COX11: variants seen among roughly 807,000 people sequenced by gnomAD.
COX11 encodes cytochrome c oxidase assembly protein COX11, mitochondrial.
A neutral mutation model predicts 29.4 loss-of-function variants in COX11; 18 were observed. That is an observed-to-expected ratio of 0.61 (90% CI 0.42 to 0.91). COX11 has a LOEUF of 0.91. COX11 is among the 40% of genes least tolerant of loss of function. The pLI, the probability that COX11 is intolerant of heterozygous loss-of-function variation, is 0.00. For missense variants in COX11, 312 were observed against 346.0 expected, an observed-to-expected ratio of 0.90 and a Z score of 0.78; for synonymous variants, 131 against 124.0, an observed-to-expected ratio of 1.06 and a Z score of -0.38.
Position 54,962,374 on chromosome 17 carries a change from G to A in COX11, c.*359C>T, listed in dbSNP as rs1355443238. On this transcript the variant is annotated 3_prime_UTR_variant, in exon 4 of 4. Transcript: ENST00000299335. ...CAAATAACCCTGAGCATACATTTTT[G>A]AAAAACATTGTCAGATTCATTGCTG... is the stretch of plus-strand genomic sequence containing the variant. The A allele has an allele frequency of 2.0e-6, 2 of 993,392 alleles. No individual in the cohort carries two copies. The highest frequency in any genetic ancestry group is 9.2e-5 in the South Asian group (2 of 21,814). The allele number at this position is 993,392 out of a possible 1,614,324, so 61.5% of individuals were successfully genotyped here.
rs765150153 is a variant in COX11, at chr17:54,960,545, G to C, written c.*2188C>G. ...TTTGAAATTGATACATAACCCTTTT[G>C]CTGTGATGGCTTTGTTTCAGAGCTA... On this transcript the variant is annotated 3_prime_UTR_variant, in exon 4 of 4. Coordinates refer to ENST00000299335, the MANE Select transcript of COX11 (RefSeq NM_004375.5). 3.1e-6 allele frequency: 5 copies of C among 1,606,508 alleles called. No homozygotes were observed. Among genetic ancestry groups the C allele is most frequent in the South Asian group, 1.1e-5 (1 of 90,896 alleles).
chr17:54,959,734 C>T (rs2077063874), downstream of COX11, among the ~76,000 whole-genome samples: 1 of 151,888 alleles, frequency 6.6e-6, no homozygotes, highest in Non-Finnish European at 1.5e-5. Context: ...CCTCCGACCT[C>T]AGCTTCCTGA....
At chr17:54,953,426 G>A (rs1419575614) in exon 1 of COX11, 1 of 152,342 alleles carries the variant, frequency 6.6e-6, no homozygotes, top group African/African-American at 2.4e-5. Context: ...GGGGCTCCTT[G>A]GGGGAGATGT....
At chr17:54,956,138 G>A (rs372039462), downstream of COX11, among the ~76,000 whole-genome samples, 7 of 152,156 alleles carry the variant, frequency 4.6e-5, no homozygotes, top group African/African-American at 1.2e-4. Flanking sequence ...CTCTCCATGA[G>A]AACACAGGTT....
At chr17:54,966,867 T>A (rs1057487812) in intron 1 of COX11, among the ~76,000 whole-genome samples, 2 of 152,176 alleles carry the variant, frequency 1.3e-5, no homozygotes, top group African/African-American at 2.4e-5. Flanking sequence ...TTCTGCTTCA[T>A]CATCTAAAAG....
At chr17:54,955,111 G>A (rs912922123) in exon 1 of COX11, 1 of 152,300 alleles carries the variant, frequency 6.6e-6, no homozygotes, top group Middle Eastern at 3.4e-3. Context: ...CCAAACTCTG[G>A]AGATTAATGA....
At chr17:54,958,528 T>G (rs1262730521), downstream of COX11, 1 of 152,178 alleles carries the variant, frequency 6.6e-6, no homozygotes, top group Non-Finnish European at 1.5e-5. Flanking sequence ...GTCAGGAGTT[T>G]GAGACCAGCC....
At chr17:54,963,063 C>T in intron 3 of COX11, 148 bp from the exon 4 acceptor site, 1 of 782,452 alleles carries the variant, frequency 1.3e-6, no homozygotes, top group Admixed American at 3.1e-5. Context: ...AAATTAAGAG[C>T]ATCTTTTCAT....
At chr17:54,959,036 A>G (rs1442037837), downstream of COX11, among the ~76,000 whole-genome samples, 1 of 152,234 alleles carries the variant, frequency 6.6e-6, no homozygotes, top group Non-Finnish European at 1.5e-5. Context: ...AAGTTTCCAT[A>G]TCAAGACATT....
intron 1 of COX11, among the ~76,000 whole-genome samples, chr17:54,967,591 GCCCCACCC>G (rs2144192849): frequency 1.6e-5 from 2 of 126,432 alleles, no homozygotes; most frequent in African/African-American, 6.0e-5. Context: ...TCTTCTCCCC[GCCCCACCC>G]CCCCACCCCG....
intron 1 of COX11, among the ~76,000 whole-genome samples, chr17:54,967,313 T>A (rs2077253749): frequency 6.6e-6 from 1 of 152,150 alleles, no homozygotes; most frequent in South Asian, 2.1e-4. Flanking sequence ...CTGAATCACT[T>A]GTGGCATGAT....
At chr17:54,964,873 T>C (rs2077191212) in intron 1 of COX11, 21 bp from the exon 2 acceptor site, 1 of 1,606,518 alleles carries the variant, frequency 6.2e-7, no homozygotes, top group Non-Finnish European at 8.5e-7. Flanking sequence ...ATACCAAATA[T>C]GTTAAACAAT....
At chr17:54,955,149 A>G (rs2049432310) in exon 1 of COX11, 3 of 152,184 alleles carry the variant, frequency 2.0e-5, no homozygotes, top group Admixed American at 2.0e-4. Context: ...CTCAGCTTGA[A>G]TACTTCTGGT....
rs2077106848 is a variant in COX11 at position 54,960,996 on chromosome 17, C to T, written c.*1737G>A. ...TTTACCGTTAGTCCTCCAAATAGGTCTGAATTTTTCCTATTTTCAGCACTA... is the reference window on the plus strand; with the variant it reads ...TTTACCGTTAGTCCTCCAAATAGGTTTGAATTTTTCCTATTTTCAGCACTA... On this transcript the variant is annotated 3_prime_UTR_variant, in exon 4 of 4. Coordinates refer to ENST00000299335, the MANE Select transcript of COX11 (RefSeq NM_004375.5). The T allele has an allele frequency of 1.8e-6, 1 of 558,358 alleles. No individual in the cohort carries two copies. The allele number at this position is 558,358 out of a possible 1,614,324, so 34.6% of individuals were successfully genotyped here. A position where few individuals can be genotyped will look rare whatever the true frequency, so the allele number is the denominator to read the frequency against.
At chr17:54,958,530 A>T (rs1343544438), downstream of COX11, 1 of 152,288 alleles carries the variant, frequency 6.6e-6, no homozygotes. Context: ...CAGGAGTTTG[A>T]GACCAGCCTG....
chr17:54,958,512 C>T, downstream of COX11: 1 of 152,230 alleles, frequency 6.6e-6, no homozygotes, highest in East Asian at 1.9e-4. Context: ...AGGCGGATCG[C>T]CTGAAGTCAG....
exon 1 of COX11, chr17:54,954,219 T>G (rs2049376667): frequency 6.6e-6 from 1 of 152,234 alleles, no homozygotes; most frequent in Non-Finnish European, 1.5e-5. Context: ...AGGGTTGCTG[T>G]TACGGTCTGC....
intron 1 of COX11, among the ~76,000 whole-genome samples, chr17:54,968,008 T>TTTTTGGCGAGG (rs2077290860): frequency 1.3e-5 from 2 of 150,402 alleles, no homozygotes; most frequent in African/African-American, 4.9e-5. Context: ...TTTTTTTTTT[T>TTTTTGGCGAGG]TTTGGCGAGG....
chr17:54,963,291 TAC>T lies in COX11; in HGVS notation c.648+13_648+14del. On this transcript the variant is annotated intron_variant, in intron 3 of 3. Coordinates refer to ENST00000299335, the MANE Select transcript of COX11 (RefSeq NM_004375.5). ...TATCTTTATCATATTCTGTAAAGTTTACACTTTGATGTACCTGTATTTTATTG... is the reference window on the plus strand; with the variant it reads ...TATCTTTATCATATTCTGTAAAGTTTACTTTGATGTACCTGTATTTTATTG... 3 of 1,606,336 alleles carry T rather than the reference TAC, an allele frequency of 1.9e-6. No homozygotes were observed. The highest frequency in any genetic ancestry group is 2.6e-6 in the Non-Finnish European group (3 of 1,175,736).
Sources: gnomAD v4.1 joint callset for allele counts (sites outside exome capture counted in the v4.1 genomes callset) on GRCh38, gnomAD v4.1.1 for gene constraint, MANE v1.5 for transcripts, NCBI Gene and HGNC (gene_info 2026-07-23, HGNC 2026-07-21) for gene names.